GALNT17: variants seen among roughly 807,000 people sequenced by gnomAD.
The protein encoded by GALNT17 is polypeptide N-acetylgalactosaminyltransferase 17.
A neutral mutation model predicts 63.7 loss-of-function variants in GALNT17; 29 were observed. The ratio of observed to expected loss-of-function variants is 0.46; its 90% CI spans 0.34 to 0.62. GALNT17 has a LOEUF of 0.62. GALNT17 is among the 20% of genes least tolerant of loss of function. The probability of loss-of-function intolerance (pLI) is 0.01; values close to 1 mark genes in which losing one functional copy is unlikely to be tolerated. For synonymous variants in GALNT17, 305 were observed against 318.3 expected, an observed-to-expected ratio of 0.96 and a Z score of 0.45; for missense variants, 603 against 799.6, an observed-to-expected ratio of 0.75 and a Z score of 2.97.
chr7:71,708,652 G>A lies in GALNT17; in HGVS notation c.1501-2109G>A, dbSNP rs116304113. Among the ~76,000 whole-genome samples the A allele has an allele frequency of 2.6e-3, 398 of 152,254 alleles. 3 individuals are homozygous for A. Among genetic ancestry groups the A allele is most frequent in the African/African-American group, 9.3e-3 (388 of 41,552 alleles). ...TGAGGTTTGGGGTATGCTTGAAATC[G>A]TCACCCAGGTAGTAAGCATAATACC... On this transcript the variant is annotated intron_variant, in intron 9 of 10. Coordinates refer to ENST00000333538, the MANE Select transcript of GALNT17 (RefSeq NM_022479.3).
chr7:71,324,503 AC>A (rs1791670181), intron 1 of GALNT17, among the ~76,000 whole-genome samples: 1 of 152,088 alleles, frequency 6.6e-6, no homozygotes, highest in Non-Finnish European at 1.5e-5. Flanking sequence ...ACACACACAC[AC>A]AAAATAAGCT....
At chr7:71,406,662 G>A (rs1227323587) in intron 3 of GALNT17, among the ~76,000 whole-genome samples, 2 of 151,556 alleles carry the variant, frequency 1.3e-5, no homozygotes, top group Non-Finnish European at 2.9e-5. Flanking sequence ...TCTTTGTAGG[G>A]CTGCTTTTAT....
chr7:71,237,758 TTAA>T (rs138007290), intron 1 of GALNT17, among the ~76,000 whole-genome samples: 5,151 of 152,242 alleles, frequency 0.034, 110 homozygotes, highest in South Asian at 0.058. Context: ...AGCCAGGGGC[TTAA>T]TAAATAATTA....
At chr7:71,481,390 C>T (rs1787814645) in intron 5 of GALNT17, among the ~76,000 whole-genome samples, 1 of 152,134 alleles carries the variant, frequency 6.6e-6, no homozygotes, top group African/African-American at 2.4e-5. Context: ...GGCAGAGCTG[C>T]AGTGAGCGGA....
chr7:71,157,839 A>C (rs919836899), intron 1 of GALNT17, among the ~76,000 whole-genome samples: 3 of 151,416 alleles, frequency 2.0e-5, no homozygotes, highest in East Asian at 1.9e-4. Context: ...CATGAGGTTC[A>C]CGTTTTTAAC....
At chr7:71,703,587 ACACT>A (rs1400809389) in intron 9 of GALNT17, among the ~76,000 whole-genome samples, 1 of 152,198 alleles carries the variant, frequency 6.6e-6, no homozygotes, top group Non-Finnish European at 1.5e-5. Context: ...GAGGAGACAA[ACACT>A]CAAACCGCAT....
chr7:71,405,555 A>G (rs1249668283), intron 3 of GALNT17, among the ~76,000 whole-genome samples: 1 of 152,242 alleles, frequency 6.6e-6, no homozygotes, highest in African/African-American at 2.4e-5. Flanking sequence ...ATCCATAAAA[A>G]TAAAAAATAA....
chr7:71,507,381 C>A (rs998269200), intron 5 of GALNT17, among the ~76,000 whole-genome samples: 5 of 152,156 alleles, frequency 3.3e-5, no homozygotes, highest in African/African-American at 1.2e-4. Flanking sequence ...TTTTTATATA[C>A]AATGAAAATT....
chr7:71,336,131 G>T (rs79847975), intron 2 of GALNT17, among the ~76,000 whole-genome samples: 15,078 of 144,022 alleles, frequency 0.1, 1,790 homozygotes, highest in African/African-American at 0.28. Flanking sequence ...CGCAACCTCC[G>T]CCTTTTGGGG....
chr7:71,439,820 CCTT>C (rs1204569100), intron 5 of GALNT17, among the ~76,000 whole-genome samples: 2 of 152,002 alleles, frequency 1.3e-5, no homozygotes, highest in Non-Finnish European at 2.9e-5. Flanking sequence ...TTCATATTCT[CCTT>C]CTGTTGGTGC....
chr7:71,533,785 G>A (rs1788757563), intron 5 of GALNT17, among the ~76,000 whole-genome samples: 1 of 152,140 alleles, frequency 6.6e-6, no homozygotes, highest in South Asian at 2.1e-4. Flanking sequence ...TGTAACACAG[G>A]TGATGTCAGC....
chr7:71,169,156 T>A (rs1015127273), intron 1 of GALNT17, among the ~76,000 whole-genome samples: 5 of 152,160 alleles, frequency 3.3e-5, no homozygotes, highest in African/African-American at 1.2e-4. Flanking sequence ...AGCTTTCTCC[T>A]CCAAACTCCT....
At position 71,614,865 on chromosome 7, in the gene GALNT17, A is replaced by T. The variant is rs1346112056; in HGVS notation, c.1080+43463A>T. Among the ~76,000 whole-genome samples the T allele has an allele frequency of 4.9e-5, 7 of 143,100 alleles. No homozygotes were observed. In the East Asian group the frequency reaches 1.4e-3, roughly 28 times the overall value. 93.9% of individuals were successfully genotyped at this position (143,100 alleles called of 152,430 possible). On this transcript the variant is annotated intron_variant, in intron 6 of 10. Transcript: ENST00000333538. ...AGGAGAGAGAAAGAAACAGAAAAAC[A>T]AAGAAACAGGGAGGGAAGGGAGGGA...
chr7:71,665,134 G>C (rs909423941), intron 6 of GALNT17, among the ~76,000 whole-genome samples: 28 of 152,072 alleles, frequency 1.8e-4, no homozygotes, highest in African/African-American at 6.8e-4. Context: ...GCGCCATCAT[G>C]CCTGGCTAAC....
At chr7:71,683,553 G>A (rs1352045466) in intron 9 of GALNT17, among the ~76,000 whole-genome samples, 1 of 152,164 alleles carries the variant, frequency 6.6e-6, no homozygotes, top group East Asian at 1.9e-4. Context: ...ACTGAGGAGG[G>A]TAATTTCCTG....
At chr7:71,451,841 T>C (rs1264374425) in intron 5 of GALNT17, among the ~76,000 whole-genome samples, 1 of 152,174 alleles carries the variant, frequency 6.6e-6, no homozygotes, top group Non-Finnish European at 1.5e-5. Context: ...CCAAATCAAT[T>C]TTTTAAATAT....
Position 71,688,842 on chromosome 7 carries a change from C to T in GALNT17, c.1500+11536C>T, listed in dbSNP as rs568579681. Among the ~76,000 whole-genome samples the T allele has an allele frequency of 4.5e-4, 69 of 152,140 alleles. 1 individual carries two copies. In the South Asian group the frequency reaches 0.014, roughly 30 times the overall value. ...TGTACAGGCATACCTCATTTCATAGCGTTTCACTTTATGGTACTTTGTAGA... is the reference window on the plus strand; with the variant it reads ...TGTACAGGCATACCTCATTTCATAGTGTTTCACTTTATGGTACTTTGTAGA... On this transcript the variant is annotated intron_variant, in intron 9 of 10. Coordinates refer to ENST00000333538, the MANE Select transcript of GALNT17 (RefSeq NM_022479.3).
chr7:71,500,238 A>G (rs753197450), intron 5 of GALNT17, among the ~76,000 whole-genome samples: 113 of 152,270 alleles, frequency 7.4e-4, no homozygotes, highest in South Asian at 1.5e-3. Context: ...ACAGTCTTGA[A>G]TGACTATTAA....
intron 1 of GALNT17, among the ~76,000 whole-genome samples, chr7:71,140,610 A>G (rs1787870106): frequency 6.6e-6 from 1 of 152,214 alleles, no homozygotes; most frequent in Non-Finnish European, 1.5e-5. Context: ...GGAAAGGAAG[A>G]AAGCTCGGTA....
Sources: allele counts gnomAD v4.1 joint callset (sites outside exome capture counted in the v4.1 genomes callset), GRCh38; gene constraint gnomAD v4.1.1; transcripts MANE v1.5; gene names NCBI Gene and HGNC (gene_info 2026-07-23, HGNC 2026-07-21).